The following NCOA1 variants were observed in gnomAD, a reference collection of about 807,000 sequenced individuals.
NCOA1 encodes Hin-2 protein.
A neutral mutation model predicts 150.9 loss-of-function variants in NCOA1; 35 were observed. The observed-to-expected ratio is 0.23, with a 90% CI of 0.18 to 0.31. The LOEUF (loss-of-function observed/expected upper bound fraction) is 0.31, where lower values mean the gene tolerates loss of function less well. Ranked by LOEUF, NCOA1 falls within the 10% of genes least tolerant of loss-of-function variation. NCOA1 has a pLI of 1.00. For synonymous variants in NCOA1, 590 were observed against 630.0 expected (o/e 0.94, Z 0.95); for missense variants, 1,491 against 1,749.3 (o/e 0.85, Z 2.63).
rs772970404 is a variant in NCOA1, at chr2:24,768,516, C to CAAAA, written c.*147_*150dup. 166 of 55,164 alleles carry CAAAA rather than the reference C, an allele frequency of 3.0e-3. 3 individuals carry two copies. The highest frequency in any genetic ancestry group is 7.2e-3 in the East Asian group (26 of 3,624). 3.4% of individuals were successfully genotyped at this position (55,164 alleles called of 1,614,324 possible). A position where few individuals can be genotyped will look rare whatever the true frequency, so the allele number is the denominator to read the frequency against. ...ATTCTTCAGGTCGTAGCATTTGGAG[C>CAAAA]AAAAAAAAAAAAAAAAAAAAAAAAA... On this transcript the variant is annotated 3_prime_UTR_variant, in exon 23 of 23. Coordinates refer to ENST00000348332, the MANE Select transcript of NCOA1 (RefSeq NM_003743.5).
chr2:24,547,175 G>T (rs1378742674), intron 1 of NCOA1, among the ~76,000 whole-genome samples: 3 of 152,098 alleles, frequency 2.0e-5, no homozygotes, highest in African/African-American at 7.2e-5. Flanking sequence ...ATGATTTTAT[G>T]ATTAATCCTC....
chr2:24,688,941 G>C (rs1229720714), intron 8 of NCOA1, among the ~76,000 whole-genome samples: 1 of 152,116 alleles, frequency 6.6e-6, no homozygotes, highest in Admixed American at 6.5e-5. Flanking sequence ...TAAGAAAGAG[G>C]TCCAGTTTTA....
At position 24,751,990 on chromosome 2, in the gene NCOA1, C is replaced by T; in HGVS notation, c.3715C>T (p.Pro1239Ser). ...TTTGTGTCAATTTACAGGAATGGTTCCCCAAGGTGAGGCCAACTTTGCTCC... is the reference window on the plus strand; with the variant it reads ...TTTGTGTCAATTTACAGGAATGGTTTCCCAAGGTGAGGCCAACTTTGCTCC... The part of the protein sequence containing the change: ...VFQYPGAGMV[P>S]QGEANFAPSL... Residue 1239 changes from proline to serine, a missense_variant, in exon 20 of 23, where the codon CCC becomes TCC. This residue lies in a region of NCOA1 where 485 missense variants were observed against 522.8 expected (regional missense o/e 0.93). Coordinates refer to ENST00000348332, the MANE Select transcript of NCOA1 (RefSeq NM_003743.5). The T allele has an allele frequency of 6.2e-7, 1 of 1,609,054 alleles. No individual in the cohort carries two copies. The highest frequency in any genetic ancestry group is 8.5e-7 in the Non-Finnish European group (1 of 1,178,046).
chr2:24,645,558 A>G (rs376903278), intron 4 of NCOA1, among the ~76,000 whole-genome samples: 2 of 151,622 alleles, frequency 1.3e-5, no homozygotes, highest in Non-Finnish European at 2.9e-5. Flanking sequence ...AGCAAACACA[A>G]CTCTTTGTTT....
intron 17 of NCOA1, among the ~76,000 whole-genome samples, chr2:24,730,732 A>G (rs1662956720): frequency 6.6e-6 from 1 of 152,126 alleles, no homozygotes; most frequent in Non-Finnish European, 1.5e-5. Context: ...ACAGTTAAAA[A>G]TGTCTGCTGT....
At chr2:24,764,895 G>T (rs1367747497) in intron 22 of NCOA1, among the ~76,000 whole-genome samples, 1 of 152,158 alleles carries the variant, frequency 6.6e-6, no homozygotes, top group Admixed American at 6.5e-5. Flanking sequence ...TCCTCTCAAG[G>T]TAAAGAGAAG....
chr2:24,652,781 A>G (rs1572545540), intron 4 of NCOA1, among the ~76,000 whole-genome samples: 1 of 152,150 alleles, frequency 6.6e-6, no homozygotes, highest in Non-Finnish European at 1.5e-5. Flanking sequence ...GGGTACTTTT[A>G]CTTAGAAACC....
At chr2:24,570,784 C>T (rs993109370) in intron 2 of NCOA1, among the ~76,000 whole-genome samples, 12 of 152,142 alleles carry the variant, frequency 7.9e-5, no homozygotes, top group African/African-American at 2.9e-4. Context: ...TTAAGTGATA[C>T]CATGTGAATG....
chr2:24,572,533 T>G (rs919044691), intron 2 of NCOA1, among the ~76,000 whole-genome samples: 2 of 152,178 alleles, frequency 1.3e-5, no homozygotes, highest in Admixed American at 6.5e-5. Context: ...AACTTTTGAT[T>G]TCATTCATAT....
chr2:24,679,295 G>T (rs1015490850), intron 7 of NCOA1, among the ~76,000 whole-genome samples: 1 of 152,184 alleles, frequency 6.6e-6, no homozygotes, highest in Non-Finnish European at 1.5e-5. Context: ...ACACTTTGAA[G>T]TTAATTAGAT....
At chr2:24,546,154 A>G (rs1665598226) in intron 1 of NCOA1, among the ~76,000 whole-genome samples, 1 of 151,990 alleles carries the variant, frequency 6.6e-6, no homozygotes, top group African/African-American at 2.4e-5. Flanking sequence ...CACTGAAGCT[A>G]TGATTGTACT....
chr2:24,521,095 G>A lies in NCOA1; in HGVS notation c.-396+29493G>A, dbSNP rs534386464. 3.5e-4 allele frequency among the ~76,000 whole-genome samples: 53 copies of A among 151,904 alleles called. 1 individual carries two copies. In the South Asian group the frequency reaches 0.01, roughly 30 times the overall value. On this transcript the variant is annotated intron_variant, in intron 1 of 22. Coordinates refer to ENST00000348332, the MANE Select transcript of NCOA1 (RefSeq NM_003743.5). ...CCTTGAGTATCAAGGAAGTCTACCT[G>A]TTTATTTTTTCTCTCTCTCCAGCTT...
chr2:24,745,677 C>T (rs1663881392), intron 19 of NCOA1, among the ~76,000 whole-genome samples: 2 of 152,262 alleles, frequency 1.3e-5, no homozygotes, highest in African/African-American at 2.4e-5. Context: ...TTCTCTATCT[C>T]TAAACAGTAT....
At chr2:24,537,319 T>C (rs999542516) in intron 1 of NCOA1, among the ~76,000 whole-genome samples, 1 of 151,700 alleles carries the variant, frequency 6.6e-6, no homozygotes, top group Non-Finnish European at 1.5e-5. Context: ...GATCCTGCCA[T>C]TTGCCACAAC....
intron 2 of NCOA1, among the ~76,000 whole-genome samples, chr2:24,576,907 T>G (rs902883117): frequency 2.6e-5 from 4 of 152,208 alleles, no homozygotes; most frequent in African/African-American, 9.7e-5. Context: ...TATGGTATTC[T>G]GAGTCTTGGT....
chr2:24,527,671 G>A (rs1664707110), intron 1 of NCOA1, among the ~76,000 whole-genome samples: 1 of 152,132 alleles, frequency 6.6e-6, no homozygotes, highest in Non-Finnish European at 1.5e-5. Flanking sequence ...TCTCCTTTGT[G>A]TATATAACCA....
chr2:24,737,169 C>T (rs1279993683), intron 17 of NCOA1, among the ~76,000 whole-genome samples: 1 of 152,132 alleles, frequency 6.6e-6, no homozygotes, highest in East Asian at 1.9e-4. Context: ...AGGAATGTAG[C>T]GATCCTTTTG....
At chr2:24,764,037 A>C (rs1664929134) in intron 22 of NCOA1, among the ~76,000 whole-genome samples, 1 of 152,200 alleles carries the variant, frequency 6.6e-6, no homozygotes, top group African/African-American at 2.4e-5. Context: ...AGAAGTGAGG[A>C]AAGGAAACTT....
chr2:24,546,387 AAT>A (rs1349134452), intron 1 of NCOA1, among the ~76,000 whole-genome samples: 1 of 152,222 alleles, frequency 6.6e-6, no homozygotes, highest in Non-Finnish European at 1.5e-5. Context: ...GTTCTGATTT[AAT>A]ATGTTATTTG....
Sources: allele counts gnomAD v4.1 joint callset (sites outside exome capture counted in the v4.1 genomes callset), GRCh38; gene constraint gnomAD v4.1.1; regional missense constraint gnomAD v4.1.1; transcripts MANE v1.5; gene names NCBI Gene and HGNC (gene_info 2026-07-23, HGNC 2026-07-21).